Variants in EYS observed in about 807,000 individuals in gnomAD.
The protein encoded by EYS is EGF-like photoreceptor maintenance factor.
A neutral mutation model predicts 282.1 loss-of-function variants in EYS; 250 were observed. The ratio of observed to expected loss-of-function variants is 0.89; its 90% CI spans 0.80 to 0.98. The LOEUF is 0.98. Ranked by LOEUF, EYS falls within the 50% of genes least tolerant of loss-of-function variation. The probability of loss-of-function intolerance (pLI) is 0.00; values close to 1 mark genes in which losing one functional copy is unlikely to be tolerated. For missense variants in EYS, 4,016 were observed against 3,709.0 expected (o/e 1.08, Z -2.15); for synonymous variants, 1,355 against 1,282.9 (o/e 1.06, Z -1.20).
chr6:65,403,176 TAATAA>T (rs1301922879), intron 6 of EYS, among the ~76,000 whole-genome samples: 2 of 151,968 alleles, frequency 1.3e-5, no homozygotes, highest in Non-Finnish European at 2.9e-5. Context: ...TAAGAGATAA[TAATAA>T]AATAATTATT....
intron 31 of EYS, among the ~76,000 whole-genome samples, chr6:64,115,706 AC>A (rs1316258858): frequency 6.6e-6 from 1 of 152,116 alleles, no homozygotes; most frequent in Non-Finnish European, 1.5e-5. Flanking sequence ...ACCCACTTAA[AC>A]CAGTGCAAAA....
chr6:65,399,182 C>G (rs1265430546), intron 7 of EYS, among the ~76,000 whole-genome samples: 1 of 152,068 alleles, frequency 6.6e-6, no homozygotes, highest in Non-Finnish European at 1.5e-5. Flanking sequence ...AAAGCAGTAT[C>G]TGCCTACTGG....
At chr6:64,160,006 T>G (rs956510477) in intron 31 of EYS, among the ~76,000 whole-genome samples, 1 of 152,180 alleles carries the variant, frequency 6.6e-6, no homozygotes, top group East Asian at 1.9e-4. Flanking sequence ...AAAACTGAGG[T>G]ACAAACAGGT....
At position 63,766,664 on chromosome 6, in the gene EYS, ATTATG is replaced by A. The variant is rs1235867953; in HGVS notation, c.7899-4036_7899-4032del. Among the ~76,000 whole-genome samples the A allele has an allele frequency of 2.2e-4, 34 of 152,166 alleles. 1 individual carries two copies. Among genetic ancestry groups the A allele is most frequent in the Admixed American group, 1.6e-3 (24 of 15,234 alleles). ...GTCTTCTAACCTTTCTAGTTTCTCT[ATTATG>A]TTATAAGAAGGGTACTAGCATCATC... On this transcript the variant is annotated intron_variant, in intron 40 of 42. Transcript: ENST00000503581.
chr6:64,657,031 G>T (rs372514386), intron 22 of EYS, among the ~76,000 whole-genome samples: 1 of 152,060 alleles, frequency 6.6e-6, no homozygotes, highest in Non-Finnish European at 1.5e-5. Flanking sequence ...TATGAATCTG[G>T]GTCCTCCTGT....
chr6:65,464,114 T>A (rs570801817), intron 5 of EYS, among the ~76,000 whole-genome samples: 30 of 152,190 alleles, frequency 2.0e-4, no homozygotes, highest in Non-Finnish European at 4.4e-4. Context: ...TAAATTGTCA[T>A]GTAGTCTAAT....
chr6:63,788,194 T>C lies in EYS; in HGVS notation c.7634A>G (p.Asn2545Ser). 6.5e-7 allele frequency: 1 copy of C among 1,548,230 alleles called. No homozygotes were observed. The highest frequency in any genetic ancestry group is 8.7e-7 in the Non-Finnish European group (1 of 1,145,368). ...IIAPGRLVGL[N>S]VFSQFYVGGY... is the part of the protein sequence containing the mutation. ...ACCTACATAAAACTGACTGAAGACA[T>C]TGAGACCAACCAGTCTTCCTGGGGC... The change falls in exon 39 of 43, where the codon AAT (asparagine) becomes AGT (serine). Residue 2545 changes from asparagine to serine, a missense_variant. By Grantham distance (46) the Asn-to-Ser change is conservative. Transcript: ENST00000503581.
At chr6:64,872,945 G>A (rs1766638397) in intron 19 of EYS, among the ~76,000 whole-genome samples, 1 of 152,014 alleles carries the variant, frequency 6.6e-6, no homozygotes, top group African/African-American at 2.4e-5. Context: ...GTTTCAGCCA[G>A]ATAACAGTGG....
Position 65,465,332 on chromosome 6 carries a change from C to T in EYS, c.862+25262G>A, listed in dbSNP as rs1195080440. On this transcript the variant is annotated intron_variant, in intron 5 of 42. Transcript: ENST00000503581. The stretch of plus-strand genomic sequence containing the variant: ...ATCTCCCCCCATTTTTTTTAATTAG[C>T]CAGGTGTGGTGATGCACACCTGCAG... Among the ~76,000 whole-genome samples the T allele has an allele frequency of 2.6e-5, 4 of 151,786 alleles. No individual in the cohort carries two copies. In the South Asian group the frequency reaches 8.3e-4, roughly 32 times the overall value.
chr6:63,745,018 G>T (rs965512717), intron 41 of EYS: 3 of 426,642 alleles, frequency 7.0e-6, no homozygotes, highest in Non-Finnish European at 1.4e-5. Context: ...ATAAATTGAT[G>T]ACCTGGCAAG....
chr6:64,691,972 T>A (rs567679865), intron 22 of EYS, among the ~76,000 whole-genome samples: 41 of 152,204 alleles, frequency 2.7e-4, no homozygotes, highest in Admixed American at 2.7e-3. Context: ...CGAGTCCATG[T>A]GTCTTTTTGG....
At chr6:63,871,435 C>A (rs550110452) in intron 35 of EYS, among the ~76,000 whole-genome samples, 10 of 152,092 alleles carry the variant, frequency 6.6e-5, no homozygotes, top group Admixed American at 2.6e-4. Flanking sequence ...CTGAGGTGGG[C>A]AGATCACTTG....
intron 26 of EYS, among the ~76,000 whole-genome samples, chr6:64,480,814 C>T (rs984146187): frequency 6.6e-6 from 1 of 151,632 alleles, no homozygotes; most frequent in Non-Finnish European, 1.5e-5. Flanking sequence ...TACATAAATT[C>T]TCAACTATAA....
chr6:64,686,132 G>A (rs1410355351), intron 22 of EYS, among the ~76,000 whole-genome samples: 1 of 151,316 alleles, frequency 6.6e-6, no homozygotes, highest in Non-Finnish European at 1.5e-5. Context: ...TGTTAAAGCA[G>A]TGCTTAGGGA....
intron 42 of EYS, among the ~76,000 whole-genome samples, chr6:63,726,074 G>A (rs116131950): frequency 0.012 from 1,803 of 152,106 alleles, 29 homozygotes; most frequent in African/African-American, 0.042. Context: ...AAATGTTTTT[G>A]TAAGCATTTC....
intron 28 of EYS, 58 bp from the exon 29 acceptor site, chr6:64,388,898 CAAAT>C: frequency 9.3e-7 from 1 of 1,075,280 alleles, no homozygotes; most frequent in Non-Finnish European, 1.3e-6. Flanking sequence ...ATTTATCTGA[CAAAT>C]TAATTAAACT....
chr6:64,920,559 T>C (rs112949519), intron 15 of EYS, among the ~76,000 whole-genome samples: 345 of 152,264 alleles, frequency 2.3e-3, no homozygotes, highest in African/African-American at 7.5e-3. Flanking sequence ...TTAAATATAA[T>C]GCTTTATATA....
chr6:64,715,577 C>A (rs895715943), intron 22 of EYS, among the ~76,000 whole-genome samples: 1 of 152,172 alleles, frequency 6.6e-6, no homozygotes, highest in African/African-American at 2.4e-5. Flanking sequence ...CAGATCCATT[C>A]CTTCCAAGTT....
intron 26 of EYS, among the ~76,000 whole-genome samples, chr6:64,524,734 C>T (rs1159752288): frequency 6.6e-6 from 1 of 151,744 alleles, no homozygotes; most frequent in Non-Finnish European, 1.5e-5. Flanking sequence ...GAGTCCTTTC[C>T]TCATTGCTTG....
Sources: gnomAD v4.1 joint callset for allele counts (sites outside exome capture counted in the v4.1 genomes callset) on GRCh38, gnomAD v4.1.1 for gene constraint, MANE v1.5 for transcripts, NCBI Gene and HGNC (gene_info 2026-07-23, HGNC 2026-07-21) for gene names.